The following PDS5B variants were observed in gnomAD, a reference collection of about 807,000 sequenced individuals.
The protein encoded by PDS5B is PDS5 cohesin associated factor B.
In PDS5B, 51 loss-of-function variants were observed where a neutral mutation model predicts 184.1. The observed-to-expected ratio is 0.28, with a 90% confidence interval of 0.22 to 0.35. The LOEUF is 0.35. Ranked by LOEUF, PDS5B falls within the 10% of genes least tolerant of loss-of-function variation. The probability of loss-of-function intolerance (pLI) is 1.00; values close to 1 mark genes in which losing one functional copy is unlikely to be tolerated. For missense variants in PDS5B, 1,180 were observed against 1,723.3 expected (o/e 0.68, Z 5.58); for synonymous variants, 566 against 569.2 (o/e 0.99, Z 0.08).
In PDS5B at chr13:32,658,442, T is replaced by A. The variant is rs1950570792; in HGVS notation, c.408T>A (p.Ala136=). Residue 136 remains alanine (A), a synonymous_variant, in exon 5 of 35, where the codon GCT becomes GCA. Transcript: ENST00000315596. The stretch of plus-strand genomic sequence containing the variant: ...TTACACCTTATTTTTAGAACATTGC[T>A]TGGGTCAAGTCATATAACATATGCT... ...NRYFYLLENI[A]WVKSYNICFE... is the part of the protein sequence containing the mutation. 8 of 1,572,942 alleles carry A rather than the reference T, an allele frequency of 5.1e-6. No individual in the cohort carries two copies. Among genetic ancestry groups the A allele is most frequent in the Non-Finnish European group, 7.0e-6 (8 of 1,150,520 alleles).
intron 20 of PDS5B, 61 bp downstream of exon 20, chr13:32,732,285 T>C: frequency 1.7e-6 from 2 of 1,168,378 alleles, no homozygotes; most frequent in Non-Finnish European, 2.5e-6. Context: ...CAAATATTGA[T>C]GATTTTATGG....
At chr13:32,666,958 T>C (rs1054622444) in intron 6 of PDS5B, among the ~76,000 whole-genome samples, 3 of 152,084 alleles carry the variant, frequency 2.0e-5, no homozygotes, top group African/African-American at 7.2e-5. Flanking sequence ...ACAAGACATA[T>C]AATTTAATGT....
intron 23 of PDS5B, 108 bp downstream of exon 23, chr13:32,742,835 C>G: frequency 2.0e-6 from 2 of 990,200 alleles, no homozygotes; most frequent in Non-Finnish European, 3.0e-6. Flanking sequence ...ATTAGAATTG[C>G]TTTGTACATG....
chr13:32,650,069 T>C (rs2140659145), intron 2 of PDS5B: 1 of 152,336 alleles, frequency 6.6e-6, no homozygotes, highest in South Asian at 2.1e-4. Flanking sequence ...TTAAAACTGA[T>C]CAGCATTAGT....
chr13:32,725,544 A>C (rs1952869149), intron 19 of PDS5B, among the ~76,000 whole-genome samples: 1 of 152,202 alleles, frequency 6.6e-6, no homozygotes, highest in African/African-American at 2.4e-5. Context: ...AGAAATTACA[A>C]CATGAGTCCT....
intron 1 of PDS5B, among the ~76,000 whole-genome samples, chr13:32,620,887 A>AT (rs2058291245): frequency 1.3e-5 from 2 of 152,134 alleles, no homozygotes; most frequent in African/African-American, 4.8e-5. Flanking sequence ...TGAATAATAA[A>AT]TTTTTCTGAT....
At chr13:32,610,151 T>C (rs9595908) in intron 1 of PDS5B, among the ~76,000 whole-genome samples, 49,499 of 152,056 alleles carry the variant, frequency 0.33, 8,388 homozygotes, top group Non-Finnish European at 0.38. Flanking sequence ...GTGTGTCTTA[T>C]GTATCAGTGG....
At chr13:32,611,337 CT>C (rs1260844032) in intron 1 of PDS5B, among the ~76,000 whole-genome samples, 1 of 151,854 alleles carries the variant, frequency 6.6e-6, no homozygotes, top group East Asian at 1.9e-4. Flanking sequence ...ATGCCTGTTG[CT>C]TTTGGTTTAG....
chr13:32,637,472 G>T, intron 1 of PDS5B, among the ~76,000 whole-genome samples: 1 of 152,194 alleles, frequency 6.6e-6, no homozygotes, highest in South Asian at 2.1e-4. Context: ...TCTTGAGTTC[G>T]CGGTATCTTT....
chr13:32,628,623 T>TA (rs2058406735), intron 1 of PDS5B, among the ~76,000 whole-genome samples: 1 of 152,206 alleles, frequency 6.6e-6, no homozygotes, highest in East Asian at 1.9e-4. Context: ...TGGTGTTTTT[T>TA]ATTGCCCAAT....
intron 34 of PDS5B, 38 bp downstream of exon 34, chr13:32,773,362 A>G: frequency 6.4e-7 from 1 of 1,552,844 alleles, no homozygotes; most frequent in Non-Finnish European, 8.7e-7. Flanking sequence ...TGTGGGATAT[A>G]AAAAGAGTTA....
In PDS5B at chr13:32,753,549, G is replaced by C. The variant is rs974414463; in HGVS notation, c.2941+13G>C. ...GCAGCTGTTAGTGGTAAGCATATAA[G>C]AAAATGGAAAGGATACTTTTTCAGC... On this transcript the variant is annotated intron_variant, in intron 25 of 34. Coordinates refer to ENST00000315596, the MANE Select transcript of PDS5B (RefSeq NM_015032.4). The C allele has an allele frequency of 6.4e-7, 1 of 1,574,156 alleles. No homozygotes were observed. Among genetic ancestry groups the C allele is most frequent in the Admixed American group, 1.7e-5 (1 of 57,544 alleles).
intron 3 of PDS5B, among the ~76,000 whole-genome samples, chr13:32,657,522 C>G (rs558769769): frequency 2.0e-5 from 3 of 152,236 alleles, no homozygotes; most frequent in African/African-American, 7.2e-5. Flanking sequence ...ACCAACTGAC[C>G]ACACTGCACC....
chr13:32,715,128 G>A (rs1021541509), intron 19 of PDS5B, among the ~76,000 whole-genome samples: 8 of 152,180 alleles, frequency 5.3e-5, no homozygotes, highest in East Asian at 1.9e-4. Flanking sequence ...TTAGGTCAGC[G>A]CAGTGGAAAA....
chr13:32,613,007 G>T (rs2058166334), intron 1 of PDS5B, among the ~76,000 whole-genome samples: 1 of 152,136 alleles, frequency 6.6e-6, no homozygotes, highest in African/African-American at 2.4e-5. Flanking sequence ...AAATCATATT[G>T]TGTTTTGTAA....
intron 30 of PDS5B, among the ~76,000 whole-genome samples, chr13:32,763,065 A>G (rs1282665988): frequency 6.6e-6 from 1 of 152,040 alleles, no homozygotes; most frequent in Non-Finnish European, 1.5e-5. Context: ...TTTTTCTTCC[A>G]AATTCCGTCT....
At position 32,625,438 on chromosome 13, in the gene PDS5B, TA is replaced by T. The variant is rs199945854; in HGVS notation, c.-19-23306del. On this transcript the variant is annotated intron_variant, in intron 1 of 34. Coordinates refer to ENST00000315596, the MANE Select transcript of PDS5B (RefSeq NM_015032.4). ...ATTTCATTGTGACAGCACTAAAAATTAAAAAAAAAATTCTTTTGTGTTTTTC... is the reference window on the plus strand; with the variant it reads ...ATTTCATTGTGACAGCACTAAAAATTAAAAAAAAATTCTTTTGTGTTTTTC... Among the ~76,000 whole-genome samples the T allele has an allele frequency of 9.3e-5, 14 of 150,850 alleles. No individual in the cohort carries two copies. The East Asian group carries it at 9.7e-4, about 10-fold the overall frequency.
At chr13:32,674,186 A>G (rs1488032120) in intron 8 of PDS5B, among the ~76,000 whole-genome samples, 2 of 152,180 alleles carry the variant, frequency 1.3e-5, no homozygotes, top group African/African-American at 4.8e-5. Context: ...GCAGAATTGG[A>G]CAATATAGTT....
At chr13:32,741,003 TCTAAGTGCTAATTGAAAA>T in intron 21 of PDS5B, 59 bp from the exon 22 acceptor site, 2 of 840,556 alleles carry the variant, frequency 2.4e-6, no homozygotes, top group Non-Finnish European at 3.9e-6. Context: ...TCATTCATTT[TCTAAGTGCTAATTGAAAA>T]GAATTCATAT....
Sources: allele counts gnomAD v4.1 joint callset (sites outside exome capture counted in the v4.1 genomes callset), GRCh38; gene constraint gnomAD v4.1.1; transcripts MANE v1.5; gene names NCBI Gene and HGNC (gene_info 2026-07-23, HGNC 2026-07-21).